STAB2: variants seen among roughly 807,000 people sequenced by gnomAD.
STAB2 encodes the protein stabilin 2.
Under a neutral mutation model 338.1 loss-of-function variants are expected in STAB2, and 288 were observed. The observed-to-expected ratio is 0.85, with a 90% confidence interval of 0.77 to 0.94. The LOEUF (loss-of-function observed/expected upper bound fraction) is 0.94, where lower values mean the gene tolerates loss of function less well. Ranked by LOEUF, STAB2 falls within the 40% of genes least tolerant of loss-of-function variation. The pLI, the probability that STAB2 is intolerant of heterozygous loss-of-function variation, is 0.00. For missense variants in STAB2, 3,141 were observed against 3,210.1 expected (o/e 0.98, Z 0.52); for synonymous variants, 1,202 against 1,193.3 (o/e 1.01, Z -0.15).
At chr12:103,594,276 T>C (rs1423194668) in intron 2 of STAB2, 119 bp from the exon 3 acceptor site, 1 of 708,652 alleles carries the variant, frequency 1.4e-6, no homozygotes, top group Non-Finnish European at 2.5e-6. Context: ...GTGTTCCATC[T>C]AGATATTTTT....
chr12:103,720,019 T>C (rs1172127901), intron 44 of STAB2, among the ~76,000 whole-genome samples: 2 of 152,234 alleles, frequency 1.3e-5, no homozygotes, highest in Admixed American at 1.3e-4. Context: ...GCCCTTCTTC[T>C]TCAATTGAGG....
At chr12:103,743,927 G>A (rs1216003652) in intron 56 of STAB2, among the ~76,000 whole-genome samples, 2 of 152,194 alleles carry the variant, frequency 1.3e-5, no homozygotes, top group Admixed American at 1.3e-4. Context: ...TTAGCTCTAT[G>A]TGTGACAGGA....
At chr12:103,605,482 T>C (rs1957013912) in intron 3 of STAB2, among the ~76,000 whole-genome samples, 1 of 151,960 alleles carries the variant, frequency 6.6e-6, no homozygotes, top group Admixed American at 6.5e-5. Flanking sequence ...TAATTGTTTA[T>C]TTTTATTTTT....
At chr12:103,638,837 A>G (rs187092404) in intron 8 of STAB2, among the ~76,000 whole-genome samples, 96 of 152,258 alleles carry the variant, frequency 6.3e-4, no homozygotes, top group Admixed American at 5.1e-3. Context: ...TGTGTCCATA[A>G]CTGCACATCA....
chr12:103,729,166 T>C (rs959794298), intron 48 of STAB2, among the ~76,000 whole-genome samples, 171 bp downstream of exon 48: 1 of 152,016 alleles, frequency 6.6e-6, no homozygotes, highest in Non-Finnish European at 1.5e-5. Flanking sequence ...CACGGACACA[T>C]AGAGGGGAAC....
In STAB2 at chr12:103,732,999, G is replaced by A. The variant is rs753304210; in HGVS notation, c.5284-7G>A. The stretch of plus-strand genomic sequence containing the variant: ...AGCCAGCAAGGGGCTGAATCCCTGT[G>A]TTTCAGGACTCAGGTTTGCTGAGTG... On this transcript the variant is annotated splice_region_variant and splice_polypyrimidine_tract_variant and intron_variant, in intron 50 of 68. Coordinates refer to ENST00000388887, the MANE Select transcript of STAB2 (RefSeq NM_017564.10). 33 of 1,613,178 alleles carry A rather than the reference G, an allele frequency of 2.0e-5. 1 individual carries two copies. The highest frequency in any genetic ancestry group is 7.6e-6 in the Non-Finnish European group (9 of 1,179,558).
intron 3 of STAB2, among the ~76,000 whole-genome samples, chr12:103,615,265 G>C (rs1337651326): frequency 6.6e-6 from 1 of 151,234 alleles, no homozygotes; most frequent in East Asian, 1.9e-4. Flanking sequence ...GAGGAAACAG[G>C]TGTGATGAAA....
intron 15 of STAB2, among the ~76,000 whole-genome samples, chr12:103,657,350 AAGG>A (rs1315665258): frequency 6.6e-6 from 1 of 152,164 alleles, no homozygotes; most frequent in Non-Finnish European, 1.5e-5. Context: ...AATAATAATA[AAGG>A]AGTTCTATGA....
intron 15 of STAB2, among the ~76,000 whole-genome samples, chr12:103,656,517 G>T (rs1279948083): frequency 6.6e-6 from 1 of 152,124 alleles, no homozygotes; most frequent in African/African-American, 2.4e-5. Context: ...TAGACACGCT[G>T]GTAACCACCA....
intron 31 of STAB2, among the ~76,000 whole-genome samples, chr12:103,694,598 C>T (rs901758078): frequency 6.6e-6 from 1 of 152,008 alleles, no homozygotes; most frequent in Non-Finnish European, 1.5e-5. Context: ...TTTTTAAGTA[C>T]AAGCAGCAGA....
chr12:103,591,051 G>T, intron 2 of STAB2, 21 bp downstream of exon 2: 1 of 1,611,842 alleles, frequency 6.2e-7, no homozygotes. Flanking sequence ...GAAAATAAAC[G>T]TGATGGAACT....
At chr12:103,761,248 G>A (rs1884513776) in intron 65 of STAB2, 52 bp from the exon 66 acceptor site, 2 of 1,557,564 alleles carry the variant, frequency 1.3e-6, no homozygotes, top group African/African-American at 2.7e-5. Context: ...CCTCCATGGA[G>A]GGCTGCCCAC....
chr12:103,711,514 CAAGTAG>C lies in STAB2; in HGVS notation c.4333_4334+4del, dbSNP rs1566037417. On this transcript the variant is annotated splice_donor_variant and splice_donor_region_variant and coding_sequence_variant and intron_variant, in exon 40 of 69. Coordinates refer to ENST00000388887, the MANE Select transcript of STAB2 (RefSeq NM_017564.10). LOFTEE classifies it high-confidence loss of function. ...GCAATGGGACATGCCATACCAGCGC[CAAGTAG>C]GTAGCCCTGGGCCACCTCTGGGGAC... 1 of 1,614,096 alleles carries C rather than the reference CAAGTAG, an allele frequency of 6.2e-7. No homozygotes were observed. Among genetic ancestry groups the C allele is most frequent in the South Asian group, 1.1e-5 (1 of 91,062 alleles).
rs1565963677 is a variant in STAB2, at chr12:103,617,724, C to A, written c.332-2744C>A. Among the ~76,000 whole-genome samples, 4 of 152,308 alleles carry A rather than the reference C, an allele frequency of 2.6e-5. 1 individual carries two copies. The Middle Eastern group carries it at 0.01, about 389-fold the overall frequency. ...ATATTAGCTACCCATCAGTATTTCTCCCCCTTCCCTTGCCCCACAAACATG... is the reference window on the plus strand; with the variant it reads ...ATATTAGCTACCCATCAGTATTTCTACCCCTTCCCTTGCCCCACAAACATG... On this transcript the variant is annotated intron_variant, in intron 3 of 68. Transcript: ENST00000388887.
intron 68 of STAB2, among the ~76,000 whole-genome samples, chr12:103,765,085 T>TA (rs1884829607): frequency 3.1e-5 from 2 of 65,342 alleles, no homozygotes; most frequent in East Asian, 9.9e-4. Context: ...AGACTCTGTC[T>TA]CAAAAAAAAA....
chr12:103,680,720 C>G (rs995706908), intron 25 of STAB2, among the ~76,000 whole-genome samples: 1 of 152,242 alleles, frequency 6.6e-6, no homozygotes, highest in East Asian at 1.9e-4. Context: ...GGCCCTGCAC[C>G]TCACCCTGGG....
chr12:103,726,196 A>G (rs1221431305), intron 46 of STAB2, 33 bp downstream of exon 46: 1 of 1,611,976 alleles, frequency 6.2e-7, no homozygotes, highest in South Asian at 1.1e-5. Context: ...TAGCCATAAG[A>G]GTTCAGCCTA....
intron 42 of STAB2, 140 bp downstream of exon 42, chr12:103,713,908 G>C (rs1464875548): frequency 2.2e-6 from 3 of 1,384,028 alleles, no homozygotes; most frequent in African/African-American, 1.4e-5. Flanking sequence ...AAGTATAAGG[G>C]CATGGAAAAG....
intron 30 of STAB2, among the ~76,000 whole-genome samples, chr12:103,692,534 A>G (rs763371352): frequency 6.6e-6 from 1 of 152,192 alleles, no homozygotes; most frequent in Non-Finnish European, 1.5e-5. Flanking sequence ...CCTCCCACAT[A>G]GGGGAAAGTA....
Sources: gnomAD v4.1 joint callset for allele counts (sites outside exome capture counted in the v4.1 genomes callset) on GRCh38, gnomAD v4.1.1 for gene constraint, MANE v1.5 for transcripts, NCBI Gene and HGNC (gene_info 2026-07-23, HGNC 2026-07-21) for gene names.